Variants in ACTN2 observed in about 807,000 individuals in gnomAD.
ACTN2 encodes alpha-actinin-2.
ACTN2 carries 39 observed loss-of-function variants against 113.8 expected under a neutral mutation model. The ratio of observed to expected loss-of-function variants is 0.34; its 90% CI spans 0.27 to 0.45. The LOEUF (loss-of-function observed/expected upper bound fraction) is 0.45. ACTN2 is among the 20% of genes least tolerant of loss of function. The pLI, the probability that ACTN2 is intolerant of heterozygous loss-of-function variation, is 1.00. For missense variants in ACTN2, 992 were observed against 1,177.9 expected (o/e 0.84, Z 2.31); for synonymous variants, 429 against 444.1 (o/e 0.97, Z 0.43).
At chr1:236,738,002 C>CTTTGT (rs71881127) in intron 9 of ACTN2, among the ~76,000 whole-genome samples, 4 of 151,932 alleles carry the variant, frequency 2.6e-5, no homozygotes, top group African/African-American at 9.7e-5. Flanking sequence ...TTATTTTTTG[C>CTTTGT]TTTGTTTTGT....
At chr1:236,722,363 G>A (rs915982496) in intron 4 of ACTN2, among the ~76,000 whole-genome samples, 5 of 151,952 alleles carry the variant, frequency 3.3e-5, no homozygotes, top group South Asian at 2.1e-4. Flanking sequence ...TAGGCCGGGC[G>A]CGGTGGCTCA....
At chr1:236,749,428 T>C (rs1659330633) in intron 14 of ACTN2, among the ~76,000 whole-genome samples, 164 bp downstream of exon 14, 1 of 152,178 alleles carries the variant, frequency 6.6e-6, no homozygotes, top group South Asian at 2.1e-4. Context: ...AAAATGTGTT[T>C]AGTACTCTGT....
chr1:236,725,437 G>A (rs1425529603), intron 4 of ACTN2, among the ~76,000 whole-genome samples: 1 of 152,086 alleles, frequency 6.6e-6, no homozygotes, highest in African/African-American at 2.4e-5. Flanking sequence ...AGACCAGCCT[G>A]GCCAACGTGG....
chr1:236,739,544 G>A lies in ACTN2; in HGVS notation c.1107+12G>A. 2.5e-6 allele frequency: 4 copies of A among 1,613,768 alleles called. No homozygotes were observed. The Middle Eastern group carries it at 5.0e-4, about 200-fold the overall frequency. ...GCAAGATGGTGTCGGTGAGTAGCAA[G>A]CGCCAAGCCCTCCTGGCGCCACGGG... On this transcript the variant is annotated intron_variant, in intron 10 of 20. Transcript: ENST00000366578.
rs143715349 is a variant in ACTN2, at chr1:236,698,069, C to T, written c.126+11270C>T. On this transcript the variant is annotated intron_variant, in intron 1 of 20. Transcript: ENST00000366578. Reference sequence around the variant, plus strand: ...GATTACAGGCGTGAGCCACCGCACCCGACCCAGACAAGTTATATTTTCAAA... The same window carrying T: ...GATTACAGGCGTGAGCCACCGCACCTGACCCAGACAAGTTATATTTTCAAA... 9.4e-3 allele frequency among the ~76,000 whole-genome samples: 1,423 copies of T among 151,672 alleles called. 23 individuals carry two copies. Among genetic ancestry groups the T allele is most frequent in the African/African-American group, 0.033 (1,345 of 41,360 alleles).
intron 7 of ACTN2, among the ~76,000 whole-genome samples, chr1:236,733,635 G>A (rs767546216): frequency 2.0e-5 from 3 of 147,608 alleles, no homozygotes; most frequent in South Asian, 2.2e-4. Context: ...TAGAGCGTGC[G>A]GTGGCATCAC....
At chr1:236,725,791 G>A in intron 4 of ACTN2, 142 bp from the exon 5 acceptor site, 1 of 774,558 alleles carries the variant, frequency 1.3e-6, no homozygotes, top group Admixed American at 1.7e-5. Flanking sequence ...TCAGGGTTCT[G>A]GCTCCTATGC....
chr1:236,724,593 T>C (rs1173030320), intron 4 of ACTN2, among the ~76,000 whole-genome samples: 1 of 152,366 alleles, frequency 6.6e-6, no homozygotes, highest in African/African-American at 2.4e-5. Context: ...TGATGGAGTC[T>C]TTAATCCTAG....
At chr1:236,749,091 C>A (rs536736908) in intron 13 of ACTN2, 33 bp from the exon 14 acceptor site, 2 of 1,612,786 alleles carry the variant, frequency 1.2e-6, no homozygotes, top group Admixed American at 1.7e-5. Flanking sequence ...TTTAATTAGT[C>A]TATGATAATG....
chr1:236,727,539 G>A lies in ACTN2; in HGVS notation c.537-139G>A, dbSNP rs917557866. ...AGATGAGTGTTCAAGCTCACCGGGC[G>A]GGGTAAAGAGGAAGCTACATGGGGC... On this transcript the variant is annotated intron_variant, in intron 5 of 20. Coordinates refer to ENST00000366578, the MANE Select transcript of ACTN2 (RefSeq NM_001103.4). 3.8e-5 allele frequency: 30 copies of A among 798,166 alleles called. No individual in the cohort carries two copies. The Middle Eastern group carries it at 7.0e-4, about 18-fold the overall frequency. 49.4% of individuals were successfully genotyped at this position (798,166 alleles called of 1,614,324 possible).
intron 1 of ACTN2, among the ~76,000 whole-genome samples, chr1:236,715,945 G>A (rs1658192953): frequency 1.3e-5 from 2 of 151,950 alleles, no homozygotes; most frequent in Admixed American, 1.3e-4. Context: ...GCAAGACTCC[G>A]TCTCAAAAAA....
chr1:236,744,943 C>A (rs572458639), intron 12 of ACTN2, among the ~76,000 whole-genome samples, 167 bp downstream of exon 12: 2 of 152,204 alleles, frequency 1.3e-5, no homozygotes, highest in South Asian at 4.1e-4. Context: ...GATTTTGGTT[C>A]TTAGATTGTG....
intron 18 of ACTN2, among the ~76,000 whole-genome samples, chr1:236,758,108 CA>C (rs1659600696): frequency 6.6e-6 from 1 of 151,716 alleles, no homozygotes; most frequent in Non-Finnish European, 1.5e-5. Flanking sequence ...GGACATGCAG[CA>C]ATAAAATGGT....
rs760902823 is a variant in ACTN2, at chr1:236,758,619, T to C, written c.2301+987T>C. On this transcript the variant is annotated intron_variant, in intron 18 of 20. Transcript: ENST00000366578. Reference sequence around the variant, plus strand: ...TCTTTTTGTTTTGTTTTGTTTTGTTTTGTTTTGTTCTGTTTTTGAGATGGA... The same window carrying C: ...TCTTTTTGTTTTGTTTTGTTTTGTTCTGTTTTGTTCTGTTTTTGAGATGGA... 2.7e-5 allele frequency among the ~76,000 whole-genome samples: 4 copies of C among 150,442 alleles called. No individual in the cohort carries two copies. In the East Asian group the frequency reaches 7.9e-4, roughly 30 times the overall value.
At chr1:236,724,191 G>T (rs552038769) in intron 4 of ACTN2, among the ~76,000 whole-genome samples, 2 of 152,074 alleles carry the variant, frequency 1.3e-5, no homozygotes, top group East Asian at 3.9e-4. Context: ...TGGTGGGTGG[G>T]GGTGGGGGAG....
At chr1:236,691,416 G>A (rs1014730661) in intron 1 of ACTN2, among the ~76,000 whole-genome samples, 1 of 152,050 alleles carries the variant, frequency 6.6e-6, no homozygotes, top group Non-Finnish European at 1.5e-5. Context: ...GCCAAGGTAG[G>A]AAGATTGCTT....
intron 3 of ACTN2, 145 bp downstream of exon 3, chr1:236,719,158 G>A (rs142899258): frequency 1.8e-6 from 2 of 1,134,770 alleles, no homozygotes; most frequent in East Asian, 5.2e-5. Context: ...GGCGCTCGGT[G>A]CACAAAGATA....
At chr1:236,736,749 C>T (rs990713611) in intron 8 of ACTN2, 32 of 912,346 alleles carry the variant, frequency 3.5e-5, no homozygotes, top group Admixed American at 1.5e-4. Context: ...TCCATCCCAT[C>T]GTCATGAGAT....
At chr1:236,755,608 G>A (rs909046345) in intron 17 of ACTN2, among the ~76,000 whole-genome samples, 15 of 151,646 alleles carry the variant, frequency 9.9e-5, no homozygotes, top group African/African-American at 2.7e-4. Flanking sequence ...CAGAGTGCCC[G>A]CTGCCACTGT....
Sources: gnomAD v4.1 joint callset for allele counts (sites outside exome capture counted in the v4.1 genomes callset) on GRCh38, gnomAD v4.1.1 for gene constraint, MANE v1.5 for transcripts, NCBI Gene and HGNC (gene_info 2026-07-23, HGNC 2026-07-21) for gene names.